HIKESHI: variants seen among roughly 807,000 people sequenced by gnomAD.
The protein encoded by HIKESHI is heat shock protein nuclear import factor hikeshi.
Under a neutral mutation model 25.7 loss-of-function variants are expected in HIKESHI, and 13 were observed. The ratio of observed to expected loss-of-function variants is 0.51; its 90% confidence interval spans 0.33 to 0.80. The LOEUF (loss-of-function observed/expected upper bound fraction) is 0.80, where lower values mean the gene tolerates loss of function less well. Among genes scored for constraint, HIKESHI ranks in the 30% least tolerant of loss-of-function variants. The pLI is 0.02. For missense variants in HIKESHI, 174 were observed against 229.5 expected (o/e 0.76, Z 1.56); for synonymous variants, 76 against 78.7 (o/e 0.97, Z 0.18).
Position 86,302,341 on chromosome 11 carries a change from AC to A in HIKESHI, c.-105del. On this transcript the variant is annotated 5_prime_UTR_variant, in exon 1 of 5. Coordinates refer to ENST00000278483, the MANE Select transcript of HIKESHI (RefSeq NM_016401.4). ...GTCACTATGTAGTGGAGGGGCAGACACCCTCCCGCAAATTCTGGAAGGTTCT... is the reference window on the plus strand; with the variant it reads ...GTCACTATGTAGTGGAGGGGCAGACACCTCCCGCAAATTCTGGAAGGTTCT... The A allele has an allele frequency of 7.3e-7, 1 of 1,376,000 alleles. No individual in the cohort carries two copies. The highest frequency in any genetic ancestry group is 1.0e-6 in the Non-Finnish European group (1 of 995,956). 85.2% of individuals were successfully genotyped at this position (1,376,000 alleles called of 1,614,324 possible). A position where few individuals can be genotyped will look rare whatever the true frequency, so the allele number is the denominator to read the frequency against.
chr11:86,319,428 T>TGG (rs1947095293), intron 2 of HIKESHI, among the ~76,000 whole-genome samples: 1 of 141,412 alleles, frequency 7.1e-6, no homozygotes, highest in African/African-American at 2.6e-5. Flanking sequence ...TTTGTTGTTG[T>TGG]TTTTTGTTTG....
chr11:86,335,175 T>C (rs992298605), intron 2 of HIKESHI, among the ~76,000 whole-genome samples: 1 of 152,164 alleles, frequency 6.6e-6, no homozygotes, highest in African/African-American at 2.4e-5. Flanking sequence ...TGTAATTAAC[T>C]TGTTTTCATC....
chr11:86,345,038 C>A, intron 4 of HIKESHI: 1 of 769,070 alleles, frequency 1.3e-6, no homozygotes, highest in Non-Finnish European at 1.7e-6. Flanking sequence ...GTTTATACTG[C>A]ACTGTGTACA....
intron 2 of HIKESHI, among the ~76,000 whole-genome samples, chr11:86,331,862 C>T (rs1947432865): frequency 1.3e-5 from 2 of 152,050 alleles, no homozygotes; most frequent in South Asian, 4.1e-4. Flanking sequence ...ATATTCAATA[C>T]TAGGAATGCT....
Position 86,344,598 on chromosome 11 carries a change from T to G in HIKESHI, c.421-5T>G. On this transcript the variant is annotated splice_polypyrimidine_tract_variant and splice_region_variant and intron_variant, in intron 3 of 4. Coordinates refer to ENST00000278483, the MANE Select transcript of HIKESHI (RefSeq NM_016401.4). ...TAATCCATTAATCTATTATTAACTT[T>G]TCAGTTCACACAAAAGATGTTGGAC... The G allele has an allele frequency of 6.6e-7, 1 of 1,526,366 alleles. No homozygotes were observed. The highest frequency in any genetic ancestry group is 1.1e-5 in the South Asian group (1 of 87,592). The allele number at this position is 1,526,366 out of a possible 1,614,324, so 94.6% of individuals were successfully genotyped here.
chr11:86,315,561 C>T (rs183422318), intron 2 of HIKESHI, among the ~76,000 whole-genome samples: 28 of 152,214 alleles, frequency 1.8e-4, no homozygotes, highest in Non-Finnish European at 3.7e-4. Context: ...CCTCGTGATC[C>T]GCCCACCTCA....
chr11:86,332,449 TA>T (rs1484719840), intron 2 of HIKESHI, among the ~76,000 whole-genome samples: 2 of 152,326 alleles, frequency 1.3e-5, no homozygotes, highest in African/African-American at 4.8e-5. Flanking sequence ...AAATAAAGAA[TA>T]GAGATAACAT....
rs372351387 is a variant in HIKESHI at position 86,314,673 on chromosome 11, C to G, written c.268+8191C>G. On this transcript the variant is annotated intron_variant, in intron 2 of 4. Transcript: ENST00000278483. The stretch of plus-strand genomic sequence containing the variant: ...AAATGGGAGAGAGCAATATTTAAAG[C>G]TAAAAATTGTTTAGAATTGATGATA... Among the ~76,000 whole-genome samples, 26 of 151,954 alleles carry G rather than the reference C, an allele frequency of 1.7e-4. No individual in the cohort carries two copies. In the South Asian group the frequency reaches 3.5e-3, roughly 21 times the overall value.
chr11:86,342,478 C>CGTGTGTGTGT lies in HIKESHI; in HGVS notation c.421-2090_421-2081dup, dbSNP rs34980731. ...TGATATGTAAAGATATAAAGATGTT[C>CGTGTGTGTGT]GTGTGTGTGTGTGTGTGTGTGTGTG... On this transcript the variant is annotated intron_variant, in intron 3 of 4. Transcript: ENST00000278483. 6.3e-4 allele frequency among the ~76,000 whole-genome samples: 93 copies of CGTGTGTGTGT among 147,458 alleles called. No individual in the cohort carries two copies. The East Asian group carries it at 0.013, about 20-fold the overall frequency.
At chr11:86,304,912 G>T (rs1446625656) in intron 1 of HIKESHI, among the ~76,000 whole-genome samples, 3 of 152,196 alleles carry the variant, frequency 2.0e-5, no homozygotes, top group Admixed American at 1.3e-4. Flanking sequence ...GTGAGTTTTA[G>T]TGAGTAGGTG....
chr11:86,324,990 G>A (rs961145600), intron 2 of HIKESHI, among the ~76,000 whole-genome samples: 4 of 151,904 alleles, frequency 2.6e-5, no homozygotes, highest in East Asian at 1.9e-4. Flanking sequence ...ACCAACCTGC[G>A]TAACACAGTG....
intron 2 of HIKESHI, among the ~76,000 whole-genome samples, chr11:86,310,957 G>A (rs1035526940): frequency 3.9e-5 from 6 of 152,064 alleles, no homozygotes; most frequent in African/African-American, 1.4e-4. Context: ...TGCTGGATTC[G>A]GTTTGCCAGT....
At position 86,306,389 on chromosome 11, in the gene HIKESHI, C is replaced by A; in HGVS notation, c.175C>A (p.Pro59Thr). 1 of 1,613,962 alleles carries A rather than the reference C, an allele frequency of 6.2e-7. No homozygotes were observed. The highest frequency in any genetic ancestry group is 1.3e-5 in the African/African-American group (1 of 75,034). Residue 59 changes from proline (P) to threonine (T), a missense_variant, in exon 2 of 5, where the codon CCT becomes ACT. Pro to Thr is a conservative substitution (Grantham distance 38). Transcript: ENST00000278483. ...GGGAGGATCTGTCTACTTTTCTTAT[C>A]CTGATTCAAATGGAATGCCAGTATG... ...GMGGSVYFSY[P>T]DSNGMPVWQL...
At chr11:86,316,878 C>G (rs926240411) in intron 2 of HIKESHI, among the ~76,000 whole-genome samples, 1 of 138,216 alleles carries the variant, frequency 7.2e-6, no homozygotes, top group Non-Finnish European at 1.5e-5. Context: ...ATTGCAAGCT[C>G]CACCTCCTGG....
chr11:86,323,239 A>AT, intron 2 of HIKESHI, among the ~76,000 whole-genome samples: 1 of 152,264 alleles, frequency 6.6e-6, no homozygotes, highest in African/African-American at 2.4e-5. Flanking sequence ...TTAAAAAAAA[A>AT]AAGTAAAATA....
At chr11:86,337,108 C>T (rs1947584912) in intron 2 of HIKESHI, among the ~76,000 whole-genome samples, 1 of 152,194 alleles carries the variant, frequency 6.6e-6, no homozygotes, top group African/African-American at 2.4e-5. Flanking sequence ...ATTTTTCCCA[C>T]ACTCTGTTAC....
chr11:86,328,316 T>G (rs1293137533), intron 2 of HIKESHI, among the ~76,000 whole-genome samples: 1 of 152,108 alleles, frequency 6.6e-6, no homozygotes, highest in East Asian at 1.9e-4. Flanking sequence ...TGGAGTGCAG[T>G]GGCACGATCT....
At chr11:86,341,311 G>A (rs891167505) in intron 3 of HIKESHI, among the ~76,000 whole-genome samples, 1 of 150,892 alleles carries the variant, frequency 6.6e-6, no homozygotes, top group African/African-American at 2.4e-5. Context: ...GTGGTACAAC[G>A]ATTACATTTC....
chr11:86,326,483 T>G, intron 2 of HIKESHI: 1 of 455,790 alleles, frequency 2.2e-6, no homozygotes, highest in Non-Finnish European at 4.4e-6. Flanking sequence ...GTTTATGTAG[T>G]GAAGACTTTG....
Sources: gnomAD v4.1 joint callset for allele counts (sites outside exome capture counted in the v4.1 genomes callset) on GRCh38, gnomAD v4.1.1 for gene constraint, MANE v1.5 for transcripts, NCBI Gene and HGNC (gene_info 2026-07-23, HGNC 2026-07-21) for gene names.